The following RMST variants were observed in gnomAD, a reference collection of about 807,000 sequenced individuals.
RMST encodes the protein long intergenic non-protein coding RNA 54.
intron 10 of RMST, among the ~76,000 whole-genome samples, chr12:97,520,889 G>A (rs932066590): frequency 6.6e-6 from 1 of 152,222 alleles, no homozygotes; most frequent in African/African-American, 2.4e-5. Context: ...CTGCTGGGCA[G>A]TGTTCCTCTG....
At chr12:97,556,055 C>T (rs1392548983) in intron 11 of RMST, among the ~76,000 whole-genome samples, 2 of 152,170 alleles carry the variant, frequency 1.3e-5, no homozygotes, top group Non-Finnish European at 2.9e-5. Flanking sequence ...CCACTTACTG[C>T]TCCCTTGAAA....
chr12:97,518,894 A>T (rs1201102110), intron 10 of RMST, among the ~76,000 whole-genome samples: 1 of 151,968 alleles, frequency 6.6e-6, no homozygotes, highest in African/African-American at 2.4e-5. Context: ...CTCAGCTTCC[A>T]GAGTAGCTGA....
chr12:97,463,058 T>TCTCTCTCTCTCTCTC (rs1872765006), intron 3 of RMST: 1 of 142,650 alleles, frequency 7.0e-6, no homozygotes, highest in African/African-American at 2.6e-5. Flanking sequence ...TCTCTCTCTC[T>TCTCTCTCTCTCTCTC]GAAACACACA....
rs1426344113 is a variant in RMST at position 97,471,328 on chromosome 12, A to G, written n.644+5601A>G. On this transcript the variant is annotated intron_variant and non_coding_transcript_variant, in intron 5 of 13. Coordinates refer to ENST00000640149, the Ensembl canonical transcript of RMST. The stretch of plus-strand genomic sequence containing the variant: ...GTTGCTTCTTAAACCAGTGACTGTA[A>G]CAGGTTGTGTGTACCCTCTAACTTA... Among the ~76,000 whole-genome samples, 4 of 152,196 alleles carry G rather than the reference A, an allele frequency of 2.6e-5. No individual in the cohort carries two copies. The East Asian group carries it at 7.7e-4, about 29-fold the overall frequency.
At chr12:97,505,579 T>G (rs1878577857) in intron 10 of RMST, among the ~76,000 whole-genome samples, 1 of 152,252 alleles carries the variant, frequency 6.6e-6, no homozygotes, top group African/African-American at 2.4e-5. Context: ...ATTACATGTT[T>G]TACTAACTTC....
At chr12:97,467,103 G>A (rs1331513019) in intron 5 of RMST, among the ~76,000 whole-genome samples, 1 of 151,978 alleles carries the variant, frequency 6.6e-6, no homozygotes, top group Non-Finnish European at 1.5e-5. Flanking sequence ...TTTGCCAGAT[G>A]TCATATATAT....
At chr12:97,507,290 A>ATTTT (rs1565926511) in intron 10 of RMST, among the ~76,000 whole-genome samples, 90 of 144,180 alleles carry the variant, frequency 6.2e-4, no homozygotes, top group African/African-American at 2.6e-3. Flanking sequence ...TTTTTTTTAA[A>ATTTT]AAAAAAAAGA....
At chr12:97,524,846 T>C (rs186772696) in intron 10 of RMST, among the ~76,000 whole-genome samples, 26 of 152,348 alleles carry the variant, frequency 1.7e-4, no homozygotes, top group Non-Finnish European at 3.4e-4. Flanking sequence ...TTAGATAATA[T>C]TTGTAATGAG....
intron 10 of RMST, among the ~76,000 whole-genome samples, chr12:97,520,712 A>G (rs1016833006): frequency 3.3e-5 from 5 of 152,208 alleles, no homozygotes; most frequent in Non-Finnish European, 5.9e-5. Context: ...TTAGGTTCCT[A>G]TGAGTGTGTA....
chr12:97,496,562 TA>T (rs1437162518), intron 10 of RMST, among the ~76,000 whole-genome samples: 1 of 152,226 alleles, frequency 6.6e-6, no homozygotes, highest in Non-Finnish European at 1.5e-5. Context: ...GTGGTAAGTA[TA>T]AACCTCCTTA....
chr12:97,469,328 A>C (rs796301228), intron 5 of RMST, among the ~76,000 whole-genome samples: 26 of 152,000 alleles, frequency 1.7e-4, no homozygotes, highest in African/African-American at 6.3e-4. Flanking sequence ...GTATTTAGAA[A>C]GTCTAAATTT....
intron 5 of RMST, among the ~76,000 whole-genome samples, chr12:97,468,062 C>G (rs1219656105): frequency 1.3e-5 from 2 of 151,942 alleles, no homozygotes; most frequent in Non-Finnish European, 2.9e-5. Context: ...TCTTAGATAG[C>G]TAGTAAAAAT....
At chr12:97,485,172 A>T (rs764244036) in intron 5 of RMST, among the ~76,000 whole-genome samples, 1 of 152,228 alleles carries the variant, frequency 6.6e-6, no homozygotes, top group Non-Finnish European at 1.5e-5. Flanking sequence ...GATAGCATGG[A>T]TTAATTCCAA....
intron 5 of RMST, among the ~76,000 whole-genome samples, chr12:97,484,291 A>G (rs1323275001): frequency 6.6e-6 from 1 of 152,166 alleles, no homozygotes; most frequent in Non-Finnish European, 1.5e-5. Flanking sequence ...TATTTATTTC[A>G]AGTAGACAGT....
At chr12:97,529,680 C>A (rs1182261118) in intron 10 of RMST, among the ~76,000 whole-genome samples, 1 of 152,054 alleles carries the variant, frequency 6.6e-6, no homozygotes, top group East Asian at 1.9e-4. Flanking sequence ...AGATCAAGCC[C>A]TTTGCTCCTC....
At chr12:97,497,730 G>A (rs1004032866) in intron 10 of RMST, among the ~76,000 whole-genome samples, 3 of 151,560 alleles carry the variant, frequency 2.0e-5, no homozygotes, top group Non-Finnish European at 4.4e-5. Context: ...AAAAATGCTA[G>A]AGAATAAAAT....
chr12:97,519,227 C>T (rs562046966), intron 10 of RMST, among the ~76,000 whole-genome samples: 3 of 152,280 alleles, frequency 2.0e-5, no homozygotes, highest in African/African-American at 7.2e-5. Flanking sequence ...TCTGACAGTC[C>T]CTTATACATA....
intron 11 of RMST, among the ~76,000 whole-genome samples, chr12:97,542,960 G>C (rs1390263019): frequency 6.6e-6 from 1 of 151,906 alleles, no homozygotes; most frequent in East Asian, 1.9e-4. Context: ...GAGGTCTGCT[G>C]CTTTTGAAAA....
chr12:97,492,067 G>T, intron 5 of RMST: 3 of 465,466 alleles, frequency 6.4e-6, no homozygotes, highest in South Asian at 4.6e-5. Context: ...TTTGATGAGT[G>T]GTTAAGATGC....
Sources: allele counts gnomAD v4.1 joint callset (sites outside exome capture counted in the v4.1 genomes callset), GRCh38; gene constraint gnomAD v4.1.1; transcripts MANE v1.5; gene names NCBI Gene and HGNC (gene_info 2026-07-23, HGNC 2026-07-21).